The following NTN1 variants were observed in gnomAD, a reference collection of about 807,000 sequenced individuals.
NTN1 encodes the protein netrin-1.
Under a neutral mutation model 54.2 loss-of-function variants are expected in NTN1, and 11 were observed. The observed-to-expected ratio is 0.20, with a 90% CI of 0.13 to 0.34. NTN1 has a LOEUF of 0.34. Ranked by LOEUF, NTN1 falls within the 10% of genes least tolerant of loss-of-function variation. The pLI is 1.00. For missense variants in NTN1, 740 were observed against 893.1 expected (o/e 0.83, Z 2.18); for synonymous variants, 371 against 382.0 (o/e 0.97, Z 0.33).
chr17:9,180,190 C>T (rs1456690182), intron 4 of NTN1, among the ~76,000 whole-genome samples: 10 of 152,274 alleles, frequency 6.6e-5, no homozygotes, highest in African/African-American at 2.4e-4. Context: ...AGGCGCAAGC[C>T]TTCATGCCCC....
chr17:9,035,560 G>A (rs1217891812), intron 2 of NTN1, among the ~76,000 whole-genome samples: 3 of 152,092 alleles, frequency 2.0e-5, no homozygotes, highest in Non-Finnish European at 4.4e-5. Context: ...CCTAGGGTTT[G>A]GGCATCTGTT....
At chr17:9,056,300 G>A (rs148106662) in intron 2 of NTN1, among the ~76,000 whole-genome samples, 17,783 of 152,184 alleles carry the variant, frequency 0.12, 1,375 homozygotes, top group Non-Finnish European at 0.17. Context: ...CAAGTGATCT[G>A]CCTGCCTTGG....
intron 2 of NTN1, among the ~76,000 whole-genome samples, chr17:9,034,834 C>T (rs2091898435): frequency 6.6e-6 from 1 of 152,208 alleles, no homozygotes; most frequent in Non-Finnish European, 1.5e-5. Flanking sequence ...CTTGTATAAC[C>T]AGCACCCGCA....
In NTN1 at chr17:9,179,804, C is replaced by T; in HGVS notation, c.1208-3C>T. ...TGACCCTCCCATTTTGTGTTCTCTG[C>T]AGCCTGTGATTGCCACCCTGTGGGT... On this transcript the variant is annotated splice_polypyrimidine_tract_variant and splice_region_variant and intron_variant, in intron 3 of 6. Transcript: ENST00000173229. 1 of 1,613,112 alleles carries T rather than the reference C, an allele frequency of 6.2e-7. No individual in the cohort carries two copies. The highest frequency in any genetic ancestry group is 8.5e-7 in the Non-Finnish European group (1 of 1,179,558).
chr17:9,087,458 C>T (rs546791253), intron 2 of NTN1, among the ~76,000 whole-genome samples: 2 of 152,104 alleles, frequency 1.3e-5, no homozygotes, highest in African/African-American at 4.8e-5. Context: ...ACAGGAAGAC[C>T]GTATTGAAAG....
intron 6 of NTN1, among the ~76,000 whole-genome samples, chr17:9,231,295 C>CGGGGG (rs35777481): frequency 6.9e-6 from 1 of 145,410 alleles, no homozygotes; most frequent in South Asian, 2.2e-4. Flanking sequence ...ATGGGGTACC[C>CGGGGG]GGGGGGGGAC....
At chr17:9,117,017 G>A (rs531841119) in intron 2 of NTN1, among the ~76,000 whole-genome samples, 4 of 152,282 alleles carry the variant, frequency 2.6e-5, no homozygotes, top group Non-Finnish European at 4.4e-5. Context: ...AATGAGGGGG[G>A]TGGGAGAGGG....
At chr17:9,158,152 C>T (rs1016880738) in intron 2 of NTN1, among the ~76,000 whole-genome samples, 2 of 152,188 alleles carry the variant, frequency 1.3e-5, no homozygotes, top group African/African-American at 4.8e-5. Context: ...CTGACAGCTC[C>T]AAGAAGCAGG....
chr17:9,141,090 G>A (rs2092296254), intron 2 of NTN1, among the ~76,000 whole-genome samples: 1 of 152,088 alleles, frequency 6.6e-6, no homozygotes, highest in East Asian at 1.9e-4. Flanking sequence ...AGTTTGAAGT[G>A]CTTTTGAGCA....
chr17:9,229,817 G>A (rs955974153), intron 6 of NTN1, among the ~76,000 whole-genome samples: 1 of 152,176 alleles, frequency 6.6e-6, no homozygotes, highest in African/African-American at 2.4e-5. Context: ...GGTGAGGGGG[G>A]AGACCTAGTT....
At chr17:9,019,797 C>T (rs141179758), upstream of NTN1, among the ~76,000 whole-genome samples, 4 of 152,348 alleles carry the variant, frequency 2.6e-5, no homozygotes, top group African/African-American at 4.8e-5. Flanking sequence ...CCATGGTTAA[C>T]CATTTCATTT....
intron 5 of NTN1, 57 bp downstream of exon 5, chr17:9,183,026 G>A (rs1205754516): frequency 7.6e-6 from 12 of 1,575,568 alleles, no homozygotes; most frequent in Non-Finnish European, 9.6e-6. Flanking sequence ...GGGGTGGTGG[G>A]GTGGGTTAAT....
intron 2 of NTN1, among the ~76,000 whole-genome samples, chr17:9,108,445 G>T (rs2092176578): frequency 6.6e-6 from 1 of 152,174 alleles, no homozygotes; most frequent in Admixed American, 6.5e-5. Flanking sequence ...AGGAAGTCTG[G>T]GGAGGGTTTT....
At chr17:9,183,623 C>T (rs1276913535) in intron 5 of NTN1, 1 of 242,878 alleles carries the variant, frequency 4.1e-6, no homozygotes, top group Non-Finnish European at 8.3e-6. Flanking sequence ...AGACCTGCTG[C>T]TAGATCCTGA....
the NTN1 span, among the ~76,000 whole-genome samples, chr17:9,004,827 C>G: frequency 7.8e-3 from 1,196 of 152,370 alleles, 18 homozygotes; most frequent in African/African-American, 0.027. Flanking sequence ...AGAGCTGTGG[C>G]TCTATGGCGA....
intron 6 of NTN1, among the ~76,000 whole-genome samples, chr17:9,230,454 C>T (rs1345379203): frequency 1.2e-4 from 1 of 8,270 alleles, no homozygotes; most frequent in Non-Finnish European, 2.0e-4. Flanking sequence ...TGTGACCCCC[C>T]CCCCGAGTGC....
chr17:9,060,335 G>A (rs1160384010), intron 2 of NTN1, among the ~76,000 whole-genome samples: 1 of 152,062 alleles, frequency 6.6e-6, no homozygotes, highest in Non-Finnish European at 1.5e-5. Context: ...ATGTTTTATT[G>A]TAAGAATACA....
At chr17:9,060,180 AC>A (rs2091992352) in intron 2 of NTN1, among the ~76,000 whole-genome samples, 2 of 151,972 alleles carry the variant, frequency 1.3e-5, no homozygotes, top group African/African-American at 4.8e-5. Flanking sequence ...AGTCAGCAAG[AC>A]CCACCCCTCC....
intron 2 of NTN1, among the ~76,000 whole-genome samples, chr17:9,050,747 C>A (rs2142198549): frequency 6.6e-6 from 1 of 151,822 alleles, no homozygotes; most frequent in African/African-American, 2.4e-5. Context: ...AGCCTCTCAG[C>A]CTCGTTTTCA....
Sources: gnomAD v4.1 joint callset for allele counts (sites outside exome capture counted in the v4.1 genomes callset) on GRCh38, gnomAD v4.1.1 for gene constraint, MANE v1.5 for transcripts, NCBI Gene and HGNC (gene_info 2026-07-23, HGNC 2026-07-21) for gene names.